The following ZNF318 variants were observed in gnomAD, a reference collection of about 807,000 sequenced individuals.
ZNF318 encodes endocrine regulator.
In ZNF318, 51 loss-of-function variants were observed where a neutral mutation model predicts 124.2. The observed-to-expected ratio is 0.41, with a 90% CI of 0.33 to 0.52. The LOEUF is 0.52. ZNF318 is among the 20% of genes least tolerant of loss of function. The probability of loss-of-function intolerance (pLI) is 0.23; values close to 1 mark genes in which losing one functional copy is unlikely to be tolerated. For synonymous variants in ZNF318, 1,090 were observed against 1,040.7 expected, an observed-to-expected ratio of 1.05 and a Z score of -0.91; for missense variants, 2,815 against 2,811.2, an observed-to-expected ratio of 1.00 and a Z score of -0.03.
intron 6 of ZNF318, among the ~76,000 whole-genome samples, chr6:43,343,366 T>C (rs143626511): frequency 3.9e-5 from 6 of 152,270 alleles, no homozygotes; most frequent in African/African-American, 9.6e-5. Context: ...AAATAGGTGA[T>C]AGTGAACTCA....
chr6:43,369,054 G>C lies in ZNF318; in HGVS notation c.312C>G (p.Ala104=), dbSNP rs1451579425. The change falls in exon 1 of 10, where the codon GCC becomes GCG. Residue 104 remains alanine, a synonymous_variant. Coordinates refer to ENST00000361428, the MANE Select transcript of ZNF318 (RefSeq NM_014345.3). ...CCCCCCGGCTGCTGCCTCTGAAGCC[G>C]GCCGGGCCCGGCGGGAAGAGTCGTC... The part of the protein sequence containing the change: ...RGRRLFPPGP[A]GFRGSSRGES... 26 of 1,358,542 alleles carry C rather than the reference G, an allele frequency of 1.9e-5. No homozygotes were observed. The highest frequency in any genetic ancestry group is 2.5e-5 in the Non-Finnish European group (26 of 1,052,158). 84.2% of individuals were successfully genotyped at this position (1,358,542 alleles called of 1,614,324 possible).
chr6:43,346,172 ACT>A (rs1404840386), intron 6 of ZNF318, among the ~76,000 whole-genome samples: 27 of 123,864 alleles, frequency 2.2e-4, no homozygotes, highest in Non-Finnish European at 3.6e-4. Context: ...ACAGAATAAG[ACT>A]CTGTTTCAAA....
In ZNF318 at chr6:43,338,129, C is replaced by G; in HGVS notation, c.5869G>C (p.Ala1957Pro). 3.1e-6 allele frequency: 5 copies of G among 1,613,724 alleles called. No individual in the cohort carries two copies. In the South Asian group the frequency reaches 5.5e-5, roughly 18 times the overall value. ...DFQVKKIYEL[A>P]VWDENKKRPE... is the part of the protein sequence containing the mutation. ...CTCTTCTTGTTTTCATCCCAAACAG[C>G]CAACTCATAGATCTTTTTAACTTGA... Residue 1957 changes from alanine to proline, a missense_variant, in exon 10 of 10, where the codon GCT (alanine) becomes CCT (proline). Ala to Pro is a conservative substitution (Grantham distance 27). Around this residue, in one of 4 missense-constraint regions of ZNF318, gnomAD observed 927 missense variants for 820.6 expected, o/e 1.13. Coordinates refer to ENST00000361428, the MANE Select transcript of ZNF318 (RefSeq NM_014345.3).
chr6:43,347,192 G>A (rs1779459551), intron 6 of ZNF318, among the ~76,000 whole-genome samples: 1 of 152,166 alleles, frequency 6.6e-6, no homozygotes, highest in Non-Finnish European at 1.5e-5. Flanking sequence ...GTGAGGTCAC[G>A]AGAGGAGATG....
chr6:43,368,885 G>A, intron 1 of ZNF318, 82 bp downstream of exon 1: 2 of 1,259,332 alleles, frequency 1.6e-6, no homozygotes, highest in Non-Finnish European at 1.0e-6. Flanking sequence ...CTGGTCTGGA[G>A]GCCCCGGGCG....
At position 43,345,245 on chromosome 6, in the gene ZNF318, C is replaced by CAA. The variant is rs35628286; in HGVS notation, c.3073-2368_3073-2367dup. ...TAGGTGACAGAGTGAGACCCTGTCT[C>CAA]AAAAAAAAAAAAAAAAAGTAATAAT... On this transcript the variant is annotated intron_variant, in intron 6 of 9. Transcript: ENST00000361428. Among the ~76,000 whole-genome samples, 592 of 121,766 alleles carry CAA rather than the reference C, an allele frequency of 4.9e-3. 6 individuals are homozygous for CAA. Among genetic ancestry groups the CAA allele is most frequent in the Middle Eastern group, 0.012 (3 of 256 alleles). The allele number at this position is 121,766 out of a possible 152,430, so 79.9% of individuals were successfully genotyped here.
At chr6:43,362,289 T>C (rs891681073) in intron 2 of ZNF318, among the ~76,000 whole-genome samples, 2 of 150,712 alleles carry the variant, frequency 1.3e-5, no homozygotes, top group African/African-American at 4.9e-5. Context: ...GCATCTCTAC[T>C]AAAAATACAA....
intron 5 of ZNF318, among the ~76,000 whole-genome samples, chr6:43,351,971 T>C (rs1325711402): frequency 6.6e-6 from 1 of 151,716 alleles, no homozygotes; most frequent in African/African-American, 2.4e-5. Flanking sequence ...TGAAACCCCA[T>C]CTCTACTACA....
intron 1 of ZNF318, 51 bp downstream of exon 1, chr6:43,368,916 G>A (rs1425754989): frequency 7.7e-7 from 1 of 1,303,822 alleles, no homozygotes; most frequent in Non-Finnish European, 9.8e-7. Flanking sequence ...CGGGAATTCC[G>A]GGGGAGGGGA....
Position 43,342,669 on chromosome 6 carries a change from T to C in ZNF318, c.3276+7A>G. 5.0e-6 allele frequency: 8 copies of C among 1,614,004 alleles called. No homozygotes were observed. Among genetic ancestry groups the C allele is most frequent in the Non-Finnish European group, 6.8e-6 (8 of 1,179,890 alleles). On this transcript the variant is annotated splice_region_variant and intron_variant, in intron 7 of 9. Coordinates refer to ENST00000361428, the MANE Select transcript of ZNF318 (RefSeq NM_014345.3). ...GGAGTGAAAATAACAGAGAGTAGGATACCAACCTGTGTGTGCTTCTTATTG... is the reference window on the plus strand; with the variant it reads ...GGAGTGAAAATAACAGAGAGTAGGACACCAACCTGTGTGTGCTTCTTATTG...
rs372163929 is a variant in ZNF318 at position 43,337,361 on chromosome 6, A to G, written c.6637T>C (p.Ser2213Pro). ...LELGPLQLEISNASTTEVAIL... is the reference protein window; with the variant it reads ...LELGPLQLEIPNASTTEVAIL... ...GCCACCTCTGTGGTGGATGCATTCGATATTTCTAGCTGTAATGGCCCCAAC... is the reference window on the plus strand; with the variant it reads ...GCCACCTCTGTGGTGGATGCATTCGGTATTTCTAGCTGTAATGGCCCCAAC... Residue 2213 changes from serine (S) to proline (P), a missense_variant, in exon 10 of 10, where the codon TCG becomes CCG. Physicochemically the swap from Ser to Pro is moderately conservative, Grantham distance 74. Coordinates refer to ENST00000361428, the MANE Select transcript of ZNF318 (RefSeq NM_014345.3). 6.1e-5 allele frequency: 99 copies of G among 1,614,046 alleles called. No homozygotes were observed. Among genetic ancestry groups the G allele is most frequent in the Non-Finnish European group, 7.7e-5 (91 of 1,180,024 alleles).
Position 43,369,502 on chromosome 6 carries a change from C to A in ZNF318, c.-137G>T. 1 of 621,718 alleles carries A rather than the reference C, an allele frequency of 1.6e-6. No individual in the cohort carries two copies. Among genetic ancestry groups the A allele is most frequent in the Non-Finnish European group, 2.0e-6 (1 of 489,296 alleles). 38.5% of individuals were successfully genotyped at this position (621,718 alleles called of 1,614,324 possible). ...GCCTCAGCCGCGGGAGCAGCCCCCT[C>A]CCCTCGGCCCCGCGTCGCCCCGGGG... On this transcript the variant is annotated 5_prime_UTR_variant, in exon 1 of 10. Transcript: ENST00000361428.
At chr6:43,358,609 A>G (rs1779643158) in intron 2 of ZNF318, among the ~76,000 whole-genome samples, 1 of 152,046 alleles carries the variant, frequency 6.6e-6, no homozygotes, top group Admixed American at 6.6e-5. Context: ...GCTGGAGTGC[A>G]GTGGCATGAT....
Position 43,354,701 on chromosome 6 carries a change from A to T in ZNF318, c.2633T>A (p.Ile878Asn), listed in dbSNP as rs1428669286. 6 of 1,612,816 alleles carry T rather than the reference A, an allele frequency of 3.7e-6. No homozygotes were observed. The highest frequency in any genetic ancestry group is 1.1e-5 in the South Asian group (1 of 90,994). The change falls in exon 4 of 10, where the codon ATC becomes AAC. Residue 878 changes from isoleucine to asparagine, a missense_variant. Transcript: ENST00000361428. ...GGAAGCACGGTTCTTCTCATCAGAG[A>T]TCTTCTCTGGATTATATCTTATGAG... ...PSLIRYNPEK[I>N]SDEKNRASQK... is the part of the protein sequence containing the mutation.
intron 1 of ZNF318, chr6:43,368,606 A>G: frequency 1.1e-6 from 1 of 946,676 alleles, no homozygotes; most frequent in East Asian, 1.2e-4. Flanking sequence ...GTGTAAGGGG[A>G]TGAAAAGTAC....
chr6:43,342,168 C>T lies in ZNF318; in HGVS notation c.3320G>A (p.Ser1107Asn). Residue 1107 changes from serine to asparagine, a missense_variant, in exon 8 of 10, where the codon AGT becomes AAT. Around this residue, in one of 4 missense-constraint regions of ZNF318, gnomAD observed 500 missense variants for 605.2 expected, o/e 0.83. Transcript: ENST00000361428. Reference sequence around the variant, plus strand: ...CTTTATGGCATCTTGCTTGGCCTCACTCTGGGTCTTTGAAGCCCAAGGTCT... The same window carrying T: ...CTTTATGGCATCTTGCTTGGCCTCATTCTGGGTCTTTGAAGCCCAAGGTCT... ...YNRPWASKTQ[S>N]EAKQDAIKRT... 2 of 1,613,980 alleles carry T rather than the reference C, an allele frequency of 1.2e-6. No individual in the cohort carries two copies. Among genetic ancestry groups the T allele is most frequent in the African/African-American group, 1.3e-5 (1 of 75,018 alleles).
rs113319740 is a variant in ZNF318 at position 43,355,877 on chromosome 6, C to T, written c.1457G>A (p.Gly486Glu). Reference sequence around the variant, plus strand: ...CAGGAAGTCTGTGTGTCGCTCAGGTCCCTCAGCCTTCAAATCCAAATTATC... The same window carrying T: ...CAGGAAGTCTGTGTGTCGCTCAGGTTCCTCAGCCTTCAAATCCAAATTATC... The part of the protein sequence containing the change: ...HKDNLDLKAE[G>E]PERHTDFLLP... Residue 486 changes from glycine (G) to glutamate (E), a missense_variant, in exon 4 of 10, where the codon GGA becomes GAA. Transcript: ENST00000361428. 6.2e-7 allele frequency: 1 copy of T among 1,614,208 alleles called. No homozygotes were observed. Among genetic ancestry groups the T allele is most frequent in the Non-Finnish European group, 8.5e-7 (1 of 1,180,028 alleles).
In ZNF318 at chr6:43,337,819, G is replaced by T. The variant is rs762070396; in HGVS notation, c.6179C>A (p.Ala2060Asp). The stretch of plus-strand genomic sequence containing the variant: ...AAAAGATGGGATTGGTTCGAAGTCA[G>T]CGGGATCGGAGGAATTACACCCTAT... ...SPIGCNSSDP[A>D]DFEPIPSFSG... The change falls in exon 10 of 10, where the codon GCT becomes GAT. Residue 2060 changes from alanine (A) to aspartate (D), a missense_variant. Ala to Asp is a moderately radical substitution (Grantham distance 126). Around this residue, in one of 4 missense-constraint regions of ZNF318, gnomAD observed 927 missense variants for 820.6 expected, o/e 1.13. Transcript: ENST00000361428. The T allele has an allele frequency of 6.2e-7, 1 of 1,614,204 alleles. No individual in the cohort carries two copies. Among genetic ancestry groups the T allele is most frequent in the South Asian group, 1.1e-5 (1 of 91,084 alleles).
intron 2 of ZNF318, among the ~76,000 whole-genome samples, chr6:43,362,297 C>CA (rs1321136453): frequency 2.0e-5 from 3 of 151,120 alleles, no homozygotes; most frequent in African/African-American, 7.3e-5. Context: ...ACTAAAAATA[C>CA]AAAAAATTAG....
Sources: gnomAD v4.1 joint callset for allele counts (sites outside exome capture counted in the v4.1 genomes callset) on GRCh38, gnomAD v4.1.1 for gene constraint, gnomAD v4.1.1 regional missense constraint, MANE v1.5 for transcripts, NCBI Gene and HGNC (gene_info 2026-07-23, HGNC 2026-07-21) for gene names.